RBPJ: variants seen among roughly 807,000 people sequenced by gnomAD.
The protein encoded by RBPJ is recombination signal binding protein for immunoglobulin kappa J region, also known as recombining binding protein suppressor of hairless.
In RBPJ, 9 loss-of-function variants were observed where a neutral mutation model predicts 67.8. The ratio of observed to expected loss-of-function variants is 0.13; its 90% CI spans 0.08 to 0.23. The LOEUF (loss-of-function observed/expected upper bound fraction) is 0.23. Ranked by LOEUF, RBPJ falls within the 10% of genes least tolerant of loss-of-function variation. RBPJ has a pLI of 1.00. For synonymous variants in RBPJ, 198 were observed against 203.3 expected (o/e 0.97, Z 0.22); for missense variants, 305 against 595.6 (o/e 0.51, Z 5.08).
chr4:26,144,384 C>T, the RBPJ span, among the ~76,000 whole-genome samples: 1 of 151,336 alleles, frequency 6.6e-6, no homozygotes, highest in Non-Finnish European at 1.5e-5. Flanking sequence ...ATTCTCCTGC[C>T]TCAGCCCCCC....
intron 1 of RBPJ, among the ~76,000 whole-genome samples, chr4:26,190,113 A>G (rs940716739): frequency 2.0e-5 from 3 of 152,268 alleles, no homozygotes; most frequent in African/African-American, 7.2e-5. Context: ...TACAGTAGCT[A>G]GAAAGAATCA....
intron 1 of RBPJ, among the ~76,000 whole-genome samples, chr4:26,285,678 TAAAAAAAAAA>T (rs545484809): frequency 7.3e-5 from 7 of 96,268 alleles, no homozygotes; most frequent in African/African-American, 3.2e-4. Context: ...ACTGATACGT[TAAAAAAAAAA>T]AAAAAAAAAA....
At chr4:26,201,808 T>G (rs184027679) in intron 1 of RBPJ, among the ~76,000 whole-genome samples, 119 of 152,350 alleles carry the variant, frequency 7.8e-4, no homozygotes, top group Non-Finnish European at 1.2e-3. Context: ...AAGTTTCTCT[T>G]GGTTTATTCT....
intron 1 of RBPJ, among the ~76,000 whole-genome samples, chr4:26,192,001 T>C (rs1717570479): frequency 7.2e-6 from 1 of 138,640 alleles, no homozygotes; most frequent in Non-Finnish European, 1.5e-5. Flanking sequence ...GTTTGTCCCA[T>C]TCTTTAAAAT....
intron 1 of RBPJ, among the ~76,000 whole-genome samples, chr4:26,343,578 C>G (rs894406677): frequency 6.6e-6 from 1 of 150,848 alleles, no homozygotes; most frequent in African/African-American, 2.4e-5. Flanking sequence ...GATAGAATCT[C>G]GCGCTGTTGC....
At chr4:26,154,416 C>T in the RBPJ span, among the ~76,000 whole-genome samples, 5 of 152,242 alleles carry the variant, frequency 3.3e-5, no homozygotes, top group Middle Eastern at 3.4e-3. Context: ...TATTCGTTCC[C>T]GTAGGAATTT....
upstream of RBPJ, among the ~76,000 whole-genome samples, chr4:26,314,917 T>G (rs1270360456): frequency 6.6e-6 from 1 of 151,652 alleles, no homozygotes; most frequent in African/African-American, 2.4e-5. Flanking sequence ...GAGGCTGAGG[T>G]GGGCAGACCA....
At chr4:26,178,481 G>A (rs1313786306) in intron 1 of RBPJ, among the ~76,000 whole-genome samples, 8 of 151,890 alleles carry the variant, frequency 5.3e-5, no homozygotes, top group East Asian at 1.9e-4. Flanking sequence ...GATGGTGCAC[G>A]CCTGTGGTCC....
chr4:26,433,434 C>T lies in RBPJ; in HGVS notation c.*2427C>T, dbSNP rs868072536. ...AAATTAACCAATAACAAAAGAGATA[C>T]TTTTGAAGAACAAACTATTCCTTAC... On this transcript the variant is annotated 3_prime_UTR_variant, in exon 11 of 11. Transcript: ENST00000355476. 5.9e-5 allele frequency: 9 copies of T among 152,128 alleles called. No individual in the cohort carries two copies. Among genetic ancestry groups the T allele is most frequent in the Non-Finnish European group, 8.8e-5 (6 of 68,016 alleles). The allele number at this position is 152,128 out of a possible 1,614,324, so 9.4% of individuals were successfully genotyped here.
chr4:26,339,223 G>A (rs772082529), intron 1 of RBPJ, among the ~76,000 whole-genome samples: 17 of 152,216 alleles, frequency 1.1e-4, no homozygotes, highest in Middle Eastern at 3.4e-3. Context: ...CTCTAGTTGC[G>A]TTCAGACCTT....
chr4:26,384,782 T>C lies in RBPJ; in HGVS notation c.21-1571T>C, dbSNP rs370272751. 3.3e-3 allele frequency among the ~76,000 whole-genome samples: 464 copies of C among 139,574 alleles called. 13 individuals carry two copies. In the South Asian group the frequency reaches 0.038, roughly 12 times the overall value. The allele number at this position is 139,574 out of a possible 152,430, so 91.6% of individuals were successfully genotyped here. Reference sequence around the variant, plus strand: ...AGGCACTATTCCCTCTCCTCCTCTCTCCTCTCCCCTCTCCCCCTCCCCTCT... The same window carrying C: ...AGGCACTATTCCCTCTCCTCCTCTCCCCTCTCCCCTCTCCCCCTCCCCTCT... On this transcript the variant is annotated intron_variant, in intron 1 of 10. Coordinates refer to ENST00000355476, the MANE Select transcript of RBPJ (RefSeq NM_015874.6).
At chr4:26,334,713 ACCT>A (rs1183798639) in intron 1 of RBPJ, among the ~76,000 whole-genome samples, 1 of 151,690 alleles carries the variant, frequency 6.6e-6, no homozygotes, top group African/African-American at 2.4e-5. Context: ...TCAGTAAATA[ACCT>A]CCTTTTACCA....
chr4:26,154,073 A>G, the RBPJ span, among the ~76,000 whole-genome samples: 58,152 of 151,872 alleles, frequency 0.38, 11,858 homozygotes, highest in East Asian at 0.61. Flanking sequence ...CCAATTAAGA[A>G]CTCCCGCTCA....
At chr4:26,355,860 A>G (rs781564712) in intron 1 of RBPJ, among the ~76,000 whole-genome samples, 1 of 152,214 alleles carries the variant, frequency 6.6e-6, no homozygotes, top group Non-Finnish European at 1.5e-5. Flanking sequence ...GTACACAAGA[A>G]GAGGGGATGG....
chr4:26,378,165 T>A lies in RBPJ; in HGVS notation c.21-8188T>A, dbSNP rs544460025. Among the ~76,000 whole-genome samples, 3 of 152,304 alleles carry A rather than the reference T, an allele frequency of 2.0e-5. No individual in the cohort carries two copies. In the South Asian group the frequency reaches 6.2e-4, roughly 32 times the overall value. On this transcript the variant is annotated intron_variant, in intron 1 of 10. Transcript: ENST00000355476. The stretch of plus-strand genomic sequence containing the variant: ...GTTGGGGTTTGTTCCTCAATTTGGC[T>A]TGTTCCTTATGTTTAGATTCTGGTT...
intron 1 of RBPJ, among the ~76,000 whole-genome samples, chr4:26,311,360 A>C (rs1162479132): frequency 6.6e-6 from 1 of 152,184 alleles, no homozygotes; most frequent in East Asian, 1.9e-4. Context: ...AACATGATCA[A>C]TTCCTATCTC....
intron 1 of RBPJ, among the ~76,000 whole-genome samples, chr4:26,222,115 A>G (rs1034833904): frequency 6.6e-6 from 1 of 152,190 alleles, no homozygotes; most frequent in Non-Finnish European, 1.5e-5. Flanking sequence ...CCTATCTCCT[A>G]TCTCAGGACA....
intron 1 of RBPJ, among the ~76,000 whole-genome samples, chr4:26,331,046 A>G (rs889908411): frequency 1.3e-5 from 2 of 152,182 alleles, no homozygotes; most frequent in Non-Finnish European, 2.9e-5. Flanking sequence ...ATAATGGCTG[A>G]GACACATTCA....
In RBPJ at chr4:26,213,784, A is replaced by G. The variant is rs200263213; in HGVS notation, c.-167+50170A>G. Among the ~76,000 whole-genome samples the G allele has an allele frequency of 1.6e-4, 25 of 152,284 alleles. No homozygotes were observed. In the East Asian group the frequency reaches 4.8e-3, roughly 29 times the overall value. ...GTTGTAAGAGAACAGCTGTGACTTT[A>G]TGGGGAGAGGCCATTGTAGAAGTCC... On this transcript the variant is annotated intron_variant, in intron 1 of 4. Transcript: ENST00000512351.
Sources: allele counts gnomAD v4.1 joint callset (sites outside exome capture counted in the v4.1 genomes callset), GRCh38; gene constraint gnomAD v4.1.1; transcripts MANE v1.5; gene names NCBI Gene and HGNC (gene_info 2026-07-23, HGNC 2026-07-21).